THSD7B: variants seen among roughly 807,000 people sequenced by gnomAD.
THSD7B encodes the protein thrombospondin type-1 domain-containing protein 7B.
THSD7B carries 138 observed loss-of-function variants against 213.6 expected under a neutral mutation model. That is an observed-to-expected ratio of 0.65 (90% CI 0.56 to 0.74). The LOEUF (loss-of-function observed/expected upper bound fraction) is 0.74, where lower values mean the gene tolerates loss of function less well. THSD7B is among the 30% of genes least tolerant of loss of function. The probability of loss-of-function intolerance (pLI) is 0.00; values close to 1 mark genes in which losing one functional copy is unlikely to be tolerated. For synonymous variants in THSD7B, 742 were observed against 687.0 expected (o/e 1.08, Z -1.25); for missense variants, 1,931 against 1,991.5 (o/e 0.97, Z 0.58).
At chr2:137,345,006 C>T (rs949770179) in intron 12 of THSD7B, among the ~76,000 whole-genome samples, 4 of 151,624 alleles carry the variant, frequency 2.6e-5, no homozygotes, top group African/African-American at 9.7e-5. Flanking sequence ...TTTAACTATA[C>T]ATTCAGCTAC....
At chr2:137,277,192 A>G (rs1682895926) in intron 12 of THSD7B, among the ~76,000 whole-genome samples, 1 of 152,106 alleles carries the variant, frequency 6.6e-6, no homozygotes, top group Non-Finnish European at 1.5e-5. Flanking sequence ...TGATATTACA[A>G]TACTAAACAA....
rs1414452261 is a variant in THSD7B, at chr2:137,616,224, C to G, written c.3473C>G (p.Pro1158Arg). The stretch of plus-strand genomic sequence containing the variant: ...AGAAGAACTCGCCACCTGCTAAGAC[C>G]ATCACTGAACTCAAGGACTTGTGCT... ...MQRRTRHLLR[P>R]SLNSRTCAED... is the part of the protein sequence containing the mutation. Residue 1158 changes from proline to arginine, a missense_variant, in exon 18 of 28, where the codon CCA (proline) becomes CGA (arginine). Physicochemically the swap from Pro to Arg is moderately radical, Grantham distance 103. Coordinates refer to ENST00000409968, the MANE Select transcript of THSD7B (RefSeq NM_001316349.2). 1 of 1,613,688 alleles carries G rather than the reference C, an allele frequency of 6.2e-7. No individual in the cohort carries two copies.
intron 13 of THSD7B, among the ~76,000 whole-genome samples, chr2:137,408,021 GA>G (rs1366706482): frequency 6.6e-6 from 1 of 151,674 alleles, no homozygotes; most frequent in Non-Finnish European, 1.5e-5. Flanking sequence ...TTGTACTAGG[GA>G]TTGATTTTTA....
At chr2:137,285,416 G>T (rs932195080) in intron 12 of THSD7B, among the ~76,000 whole-genome samples, 5 of 152,010 alleles carry the variant, frequency 3.3e-5, no homozygotes, top group Non-Finnish European at 7.3e-5. Context: ...GGTTAGTATT[G>T]TTATGTGTGA....
intron 12 of THSD7B, among the ~76,000 whole-genome samples, chr2:137,325,912 T>G (rs1473563880): frequency 6.6e-6 from 1 of 152,208 alleles, no homozygotes; most frequent in Non-Finnish European, 1.5e-5. Context: ...CTCATTCATG[T>G]GTTGCCATAA....
At chr2:137,161,002 C>T (rs960761643) in intron 6 of THSD7B, among the ~76,000 whole-genome samples, 6 of 152,080 alleles carry the variant, frequency 3.9e-5, no homozygotes, top group East Asian at 1.9e-4. Flanking sequence ...AGAAATGTTT[C>T]GCAAATCTAT....
chr2:137,119,257 ACAAT>A (rs201852916), intron 5 of THSD7B, among the ~76,000 whole-genome samples: 2,927 of 152,348 alleles, frequency 0.019, 79 homozygotes, highest in Admixed American at 0.052. Context: ...AAATTACATG[ACAAT>A]CAAACATTTA....
At chr2:137,104,556 T>A (rs1348678852) in intron 4 of THSD7B, among the ~76,000 whole-genome samples, 1 of 151,578 alleles carries the variant, frequency 6.6e-6, no homozygotes, top group Non-Finnish European at 1.5e-5. Flanking sequence ...ATAACTAAGA[T>A]CAGAGCAGAA....
chr2:137,485,739 C>A (rs1688424960), intron 15 of THSD7B, among the ~76,000 whole-genome samples: 2 of 152,058 alleles, frequency 1.3e-5, no homozygotes. Context: ...TAAGGGCAGC[C>A]AGGGAGAAAG....
At chr2:137,626,366 A>G (rs1212141007) in intron 20 of THSD7B, among the ~76,000 whole-genome samples, 1 of 150,688 alleles carries the variant, frequency 6.6e-6, no homozygotes, top group African/African-American at 2.4e-5. Context: ...CAGGAGGCTG[A>G]GGCAGGAGAA....
chr2:137,092,510 T>TG (rs1291693172), intron 3 of THSD7B, among the ~76,000 whole-genome samples: 3 of 152,204 alleles, frequency 2.0e-5, no homozygotes, highest in African/African-American at 7.2e-5. Flanking sequence ...AATGGCTTAA[T>TG]GGGGGGTATA....
intron 12 of THSD7B, among the ~76,000 whole-genome samples, chr2:137,331,704 G>A (rs932428969): frequency 2.0e-5 from 3 of 152,204 alleles, no homozygotes; most frequent in South Asian, 2.1e-4. Context: ...GCCCATGGAG[G>A]GGGTGGGAGA....
chr2:137,585,619 G>C (rs1297489786), intron 17 of THSD7B, among the ~76,000 whole-genome samples: 1 of 152,128 alleles, frequency 6.6e-6, no homozygotes, highest in Non-Finnish European at 1.5e-5. Context: ...TCAGGAGCAG[G>C]TTGTTCAGTA....
intron 2 of THSD7B, among the ~76,000 whole-genome samples, chr2:136,976,704 C>T (rs1685487385): frequency 6.6e-6 from 1 of 151,762 alleles, no homozygotes; most frequent in Non-Finnish European, 1.5e-5. Context: ...TCACTGCAAG[C>T]TCCGCCTCCC....
chr2:137,671,864 A>ACT (rs1445228993), intron 27 of THSD7B, among the ~76,000 whole-genome samples: 14 of 151,988 alleles, frequency 9.2e-5, no homozygotes, highest in Admixed American at 9.2e-4. Context: ...AGCTATTGGT[A>ACT]CTCTACCTGT....
intron 2 of THSD7B, among the ~76,000 whole-genome samples, chr2:137,040,681 C>A (rs1686867316): frequency 6.6e-6 from 1 of 152,114 alleles, no homozygotes; most frequent in African/African-American, 2.4e-5. Context: ...GAATGAGCCA[C>A]CGCGCTCAGC....
At chr2:136,834,677 G>T (rs1156884160) in intron 1 of THSD7B, among the ~76,000 whole-genome samples, 1 of 151,890 alleles carries the variant, frequency 6.6e-6, no homozygotes, top group Non-Finnish European at 1.5e-5. Flanking sequence ...TTGACTCCAG[G>T]ATTTTTTAAA....
At chr2:136,986,854 C>T (rs1685682594) in intron 2 of THSD7B, among the ~76,000 whole-genome samples, 2 of 152,196 alleles carry the variant, frequency 1.3e-5, no homozygotes, top group South Asian at 4.1e-4. Flanking sequence ...GAATGTATAA[C>T]TGTAAGCATA....
intron 10 of THSD7B, among the ~76,000 whole-genome samples, chr2:137,256,066 T>A (rs765653887): frequency 6.6e-6 from 1 of 152,152 alleles, no homozygotes; most frequent in Non-Finnish European, 1.5e-5. Context: ...CTCTGTATTA[T>A]TTTCTCACAG....
Sources: gnomAD v4.1 joint callset for allele counts (sites outside exome capture counted in the v4.1 genomes callset) on GRCh38, gnomAD v4.1.1 for gene constraint, MANE v1.5 for transcripts, NCBI Gene and HGNC (gene_info 2026-07-23, HGNC 2026-07-21) for gene names.